The following AGBL4 variants were observed in gnomAD, a reference collection of about 807,000 sequenced individuals.
AGBL4 encodes the protein cytosolic carboxypeptidase 6.
AGBL4 carries 58 observed loss-of-function variants against 66.4 expected under a neutral mutation model. The ratio of observed to expected loss-of-function variants is 0.87; its 90% CI spans 0.71 to 1.09. AGBL4 has a LOEUF of 1.09. Among genes scored for constraint, AGBL4 ranks in the 50% least tolerant of loss-of-function variants. AGBL4 has a pLI of 0.00. For synonymous variants in AGBL4, 234 were observed against 222.9 expected (o/e 1.05, Z -0.44); for missense variants, 579 against 631.0 (o/e 0.92, Z 0.88).
At chr1:49,744,836 A>T (rs2147819140) in intron 2 of AGBL4, among the ~76,000 whole-genome samples, 1 of 152,208 alleles carries the variant, frequency 6.6e-6, no homozygotes, top group Admixed American at 6.5e-5. Context: ...ATACTGTTAA[A>T]ACTTAAGTTG....
chr1:49,158,955 G>A (rs1160572055), intron 4 of AGBL4, among the ~76,000 whole-genome samples: 2 of 144,602 alleles, frequency 1.4e-5, no homozygotes, highest in Non-Finnish European at 3.0e-5. Context: ...GCCTATGTAT[G>A]TCTTTGCATA....
chr1:49,428,954 G>T (rs1409210814), intron 3 of AGBL4, among the ~76,000 whole-genome samples: 1 of 152,214 alleles, frequency 6.6e-6, no homozygotes, highest in Non-Finnish European at 1.5e-5. Flanking sequence ...TCTGGCCAAA[G>T]AAATTTTTAT....
At chr1:49,171,360 T>C (rs75347807) in intron 4 of AGBL4, among the ~76,000 whole-genome samples, 1,719 of 152,312 alleles carry the variant, frequency 0.011, 30 homozygotes, top group African/African-American at 0.04. Flanking sequence ...ACACACCACC[T>C]ATATTCATCA....
At chr1:49,006,377 C>T (rs1468273981) in intron 5 of AGBL4, among the ~76,000 whole-genome samples, 6 of 152,256 alleles carry the variant, frequency 3.9e-5, no homozygotes, top group East Asian at 3.9e-4. Flanking sequence ...GAGGGTCCTA[C>T]GCCCACGGAG....
At chr1:49,207,582 C>CTTTCTTTT (rs1648320591) in intron 4 of AGBL4, among the ~76,000 whole-genome samples, 1 of 108,594 alleles carries the variant, frequency 9.2e-6, no homozygotes, top group Admixed American at 9.9e-5. Context: ...TTCTTTCTTT[C>CTTTCTTTT]TTTCTTTCTT....
At chr1:49,719,433 G>A (rs1326831912) in intron 2 of AGBL4, among the ~76,000 whole-genome samples, 1 of 152,098 alleles carries the variant, frequency 6.6e-6, no homozygotes, top group Non-Finnish European at 1.5e-5. Context: ...CTCCCCAAAG[G>A]AGTTAATCTC....
intron 5 of AGBL4, among the ~76,000 whole-genome samples, chr1:48,984,453 C>G (rs931075716): frequency 4.0e-5 from 6 of 149,710 alleles, no homozygotes; most frequent in African/African-American, 1.5e-4. Context: ...TTTTATCTTT[C>G]TTTAAAAAAA....
intron 3 of AGBL4, among the ~76,000 whole-genome samples, chr1:49,445,707 A>G (rs554812853): frequency 6.6e-6 from 1 of 152,040 alleles, no homozygotes; most frequent in African/African-American, 2.4e-5. Context: ...CAGAATTTCT[A>G]TTTGGTTCTT....
At chr1:49,973,218 C>G (rs1436861861) in intron 1 of AGBL4, among the ~76,000 whole-genome samples, 1 of 152,184 alleles carries the variant, frequency 6.6e-6, no homozygotes, top group Non-Finnish European at 1.5e-5. Context: ...CCTGCAACCC[C>G]TTGTAAAGTA....
intron 3 of AGBL4, among the ~76,000 whole-genome samples, chr1:49,397,613 C>T (rs1401035799): frequency 6.6e-6 from 1 of 152,078 alleles, no homozygotes; most frequent in African/African-American, 2.4e-5. Flanking sequence ...AACAAAGGGG[C>T]TAAAATGACA....
chr1:49,939,920 T>C (rs369464556), intron 1 of AGBL4, among the ~76,000 whole-genome samples: 142 of 152,042 alleles, frequency 9.3e-4, no homozygotes, highest in African/African-American at 3.3e-3. Context: ...AGGCAACCTA[T>C]AAAATGGGAG....
At chr1:49,524,804 C>A (rs1203676492) in intron 3 of AGBL4, among the ~76,000 whole-genome samples, 1 of 151,998 alleles carries the variant, frequency 6.6e-6, no homozygotes, top group East Asian at 1.9e-4. Flanking sequence ...ACCTATGATA[C>A]TACCTTATAA....
intron 1 of AGBL4, among the ~76,000 whole-genome samples, chr1:49,888,145 G>T (rs895497011): frequency 2.0e-5 from 3 of 152,068 alleles, no homozygotes; most frequent in Non-Finnish European, 4.4e-5. Flanking sequence ...CATAGATCAT[G>T]CACAGATCTT....
intron 12 of AGBL4, among the ~76,000 whole-genome samples, chr1:48,539,432 T>C (rs562738224): frequency 2.2e-4 from 33 of 152,116 alleles, no homozygotes; most frequent in African/African-American, 7.7e-4. Flanking sequence ...AATGTGACCA[T>C]GCCCTCACTG....
intron 5 of AGBL4, among the ~76,000 whole-genome samples, chr1:48,883,227 C>T (rs1649961403): frequency 6.6e-6 from 1 of 152,160 alleles, no homozygotes; most frequent in Admixed American, 6.5e-5. Flanking sequence ...ACTTGCATTC[C>T]TACCAACAGT....
chr1:49,218,499 T>C (rs1649248768), intron 4 of AGBL4, among the ~76,000 whole-genome samples: 1 of 152,014 alleles, frequency 6.6e-6, no homozygotes, highest in Admixed American at 6.6e-5. Context: ...AAGTAACTTA[T>C]CCAAAGTTAC....
At chr1:48,608,779 T>C (rs924758303) in intron 9 of AGBL4, among the ~76,000 whole-genome samples, 3 of 152,114 alleles carry the variant, frequency 2.0e-5, no homozygotes, top group African/African-American at 7.2e-5. Flanking sequence ...TTTCACCAGA[T>C]ATAGCATGAT....
chr1:48,598,182 C>T (rs1013826520), intron 9 of AGBL4, among the ~76,000 whole-genome samples: 2 of 152,190 alleles, frequency 1.3e-5, no homozygotes, highest in African/African-American at 2.4e-5. Context: ...AGTAGAAAGA[C>T]ATTTTAACAG....
intron 3 of AGBL4, among the ~76,000 whole-genome samples, chr1:49,329,436 C>T (rs143958140): frequency 6.6e-6 from 1 of 151,966 alleles, no homozygotes; most frequent in Admixed American, 6.6e-5. Flanking sequence ...GAGGCTGAGG[C>T]GGGTGGATTG....
Sources: gnomAD v4.1 joint callset for allele counts (sites outside exome capture counted in the v4.1 genomes callset) on GRCh38, gnomAD v4.1.1 for gene constraint, MANE v1.5 for transcripts, NCBI Gene and HGNC (gene_info 2026-07-23, HGNC 2026-07-21) for gene names.